Variants in TLK1 observed in about 807,000 individuals in gnomAD.
TLK1 encodes tousled like kinase 1.
In TLK1, 24 loss-of-function variants were observed where a neutral mutation model predicts 105.3. That is an observed-to-expected ratio of 0.23 (90% CI 0.17 to 0.32). The LOEUF (loss-of-function observed/expected upper bound fraction) is 0.32, where lower values mean the gene tolerates loss of function less well. Among genes scored for constraint, TLK1 ranks in the 10% least tolerant of loss-of-function variants. The pLI, the probability that TLK1 is intolerant of heterozygous loss-of-function variation, is 1.00. For missense variants in TLK1, 558 were observed against 910.5 expected (o/e 0.61, Z 4.98); for synonymous variants, 321 against 310.4 (o/e 1.03, Z -0.36).
At chr2:171,113,270 T>G (rs1690261393) in intron 2 of TLK1, among the ~76,000 whole-genome samples, 1 of 150,226 alleles carries the variant, frequency 6.7e-6, no homozygotes, top group Non-Finnish European at 1.5e-5. Context: ...CACATACATA[T>G]CCTTTTTTTT....
chr2:170,997,340 C>A (rs1038666433), intron 19 of TLK1, among the ~76,000 whole-genome samples: 2 of 152,028 alleles, frequency 1.3e-5, no homozygotes, highest in Non-Finnish European at 2.9e-5. Flanking sequence ...TGATGAGCAA[C>A]GGGGAAACTG....
chr2:171,100,319 T>C (rs1241432931), intron 2 of TLK1, among the ~76,000 whole-genome samples: 10 of 152,108 alleles, frequency 6.6e-5, no homozygotes, highest in Non-Finnish European at 1.5e-4. Context: ...TAAGGTCTAG[T>C]GAAAGGTGCT....
chr2:171,203,861 C>A (rs1693448371), intron 1 of TLK1, among the ~76,000 whole-genome samples: 1 of 152,006 alleles, frequency 6.6e-6, no homozygotes, highest in South Asian at 2.1e-4. Flanking sequence ...ACCAGCCTGG[C>A]CAACATGGCG....
intron 2 of TLK1, among the ~76,000 whole-genome samples, chr2:171,100,993 G>A (rs1689665757): frequency 6.6e-6 from 1 of 152,086 alleles, no homozygotes; most frequent in Non-Finnish European, 1.5e-5. Context: ...GTCATATAAT[G>A]GAATGAGTAC....
chr2:171,149,205 TA>T (rs1258235313), intron 1 of TLK1, among the ~76,000 whole-genome samples: 1 of 145,976 alleles, frequency 6.9e-6, no homozygotes, highest in Non-Finnish European at 1.5e-5. Flanking sequence ...ACCCTGTCTC[TA>T]AAAAAAAGGG....
chr2:171,053,123 C>T (rs1470553353), intron 8 of TLK1, among the ~76,000 whole-genome samples: 1 of 152,164 alleles, frequency 6.6e-6, no homozygotes, highest in African/African-American at 2.4e-5. Flanking sequence ...TACAGAACTG[C>T]AGCAGTTACT....
chr2:171,018,545 G>C lies in TLK1; in HGVS notation c.1237-3597C>G, dbSNP rs75800827. On this transcript the variant is annotated intron_variant, in intron 12 of 20. Transcript: ENST00000431350. ...CCTTGCCTGAGACTGACATTAACCT[G>C]TGGGCCATCCTCAGAAATAATCTTT... is the stretch of plus-strand genomic sequence containing the variant. 8.5e-3 allele frequency among the ~76,000 whole-genome samples: 1,291 copies of C among 152,332 alleles called. 7 individuals are homozygous for C. Among genetic ancestry groups the C allele is most frequent in the Non-Finnish European group, 0.013 (910 of 68,044 alleles).
chr2:171,084,340 C>T (rs1478515692), intron 2 of TLK1, among the ~76,000 whole-genome samples: 2 of 152,134 alleles, frequency 1.3e-5, no homozygotes, highest in Non-Finnish European at 2.9e-5. Context: ...ATCCTTGAAA[C>T]GGATCTTTAC....
chr2:171,143,629 TATG>T (rs2105582304), intron 1 of TLK1, among the ~76,000 whole-genome samples: 1 of 149,210 alleles, frequency 6.7e-6, no homozygotes, highest in African/African-American at 2.4e-5. Context: ...TTAATGTAGC[TATG>T]AAGTAGACTC....
At chr2:171,050,755 A>G (rs1687200019) in intron 8 of TLK1, among the ~76,000 whole-genome samples, 1 of 152,210 alleles carries the variant, frequency 6.6e-6, no homozygotes, top group Non-Finnish European at 1.5e-5. Context: ...TGCTCAGAGA[A>G]GAGGCTTCCT....
intron 3 of TLK1, among the ~76,000 whole-genome samples, chr2:171,062,026 C>G (rs938018929): frequency 3.9e-5 from 6 of 152,228 alleles, no homozygotes; most frequent in Non-Finnish European, 7.3e-5. Context: ...GATCCCTGCT[C>G]TAGATGGTGG....
intron 18 of TLK1, among the ~76,000 whole-genome samples, chr2:171,001,077 C>T (rs1484527501): frequency 1.3e-5 from 2 of 152,184 alleles, no homozygotes; most frequent in African/African-American, 4.8e-5. Flanking sequence ...ATAAATCCTG[C>T]AAAGTCATAT....
intron 1 of TLK1, among the ~76,000 whole-genome samples, chr2:171,167,340 A>C (rs945046674): frequency 2.0e-5 from 3 of 152,182 alleles, no homozygotes; most frequent in African/African-American, 7.2e-5. Context: ...CTCACCTCCA[A>C]ATTTTTGTTT....
chr2:171,038,792 AT>A (rs1320572929), intron 11 of TLK1, among the ~76,000 whole-genome samples: 2 of 152,176 alleles, frequency 1.3e-5, no homozygotes, highest in African/African-American at 4.8e-5. Flanking sequence ...AAGAACATGT[AT>A]TCTGCAGATG....
intron 1 of TLK1, among the ~76,000 whole-genome samples, chr2:171,121,382 A>G (rs1690646536): frequency 6.6e-6 from 1 of 152,126 alleles, no homozygotes; most frequent in South Asian, 2.1e-4. Context: ...AAATACAAAA[A>G]TTAGCTGGGT....
intron 18 of TLK1, among the ~76,000 whole-genome samples, chr2:170,999,581 A>G (rs893559488): frequency 6.6e-6 from 1 of 152,256 alleles, no homozygotes; most frequent in African/African-American, 2.4e-5. Context: ...CAGAGAGACA[A>G]AACTAAATAT....
chr2:171,060,728 CCTTT>C (rs1416553775), intron 4 of TLK1, among the ~76,000 whole-genome samples: 6 of 151,764 alleles, frequency 4.0e-5, no homozygotes, highest in Non-Finnish European at 8.8e-5. Flanking sequence ...ATTTTGATAG[CCTTT>C]TTTTTAAATA....
rs1692451704 is a variant in TLK1 at position 171,160,649 on chromosome 2, G to A, written c.-221C>T. 1 of 650,718 alleles carries A rather than the reference G, an allele frequency of 1.5e-6. No homozygotes were observed. Among genetic ancestry groups the A allele is most frequent in the South Asian group, 2.4e-5 (1 of 41,114 alleles). The allele number at this position is 650,718 out of a possible 1,614,324, so 40.3% of individuals were successfully genotyped here. ...GGGACAGGGAGGAGGGAAAGGGGGA[G>A]AAGCGAGGGAGCGAGCGGGCGCGCC... On this transcript the variant is annotated 5_prime_UTR_variant, in exon 1 of 21. Coordinates refer to ENST00000431350, the MANE Select transcript of TLK1 (RefSeq NM_012290.5). This position sits in a 1 kb window ranked among gnomAD's most constrained non-coding sequence, Gnocchi z 4.4.
upstream of TLK1, among the ~76,000 whole-genome samples, chr2:171,162,398 T>G (rs976912344): frequency 8.5e-5 from 13 of 152,186 alleles, no homozygotes; most frequent in African/African-American, 3.1e-4. Context: ...ATTAGCCGGG[T>G]GTAGCGGCAC....
Sources: gnomAD v4.1 joint callset for allele counts (sites outside exome capture counted in the v4.1 genomes callset) on GRCh38, gnomAD v4.1.1 for gene constraint, Gnocchi (gnomAD v3.1) non-coding constraint, MANE v1.5 for transcripts, NCBI Gene and HGNC (gene_info 2026-07-23, HGNC 2026-07-21) for gene names.